The following TMEM132B variants were observed in gnomAD, a reference collection of about 807,000 sequenced individuals.
TMEM132B encodes transmembrane protein 132B.
In TMEM132B, 18 loss-of-function variants were observed where a neutral mutation model predicts 90.8. That is an observed-to-expected ratio of 0.20 (90% CI 0.14 to 0.29). The LOEUF is 0.29. Among genes scored for constraint, TMEM132B ranks in the 10% least tolerant of loss-of-function variants. The probability of loss-of-function intolerance (pLI) is 1.00; values close to 1 mark genes in which losing one functional copy is unlikely to be tolerated. For missense variants in TMEM132B, 1,096 were observed against 1,326.8 expected, an observed-to-expected ratio of 0.83 and a Z score of 2.70; for synonymous variants, 504 against 523.3, an observed-to-expected ratio of 0.96 and a Z score of 0.50.
chr12:125,335,979 T>A (rs939229738), intron 1 of TMEM132B, among the ~76,000 whole-genome samples: 1 of 152,052 alleles, frequency 6.6e-6, no homozygotes, highest in African/African-American at 2.4e-5. Context: ...AGAGCAAGAC[T>A]CCCCCTCAAA....
At chr12:125,438,113 A>G (rs1040314026) in intron 3 of TMEM132B, among the ~76,000 whole-genome samples, 1 of 152,208 alleles carries the variant, frequency 6.6e-6, no homozygotes, top group South Asian at 2.1e-4. Context: ...TTTCAAACTA[A>G]ACTCCTACAA....
At chr12:125,382,596 C>T (rs1005329882) in intron 2 of TMEM132B, among the ~76,000 whole-genome samples, 4 of 152,042 alleles carry the variant, frequency 2.6e-5, no homozygotes, top group African/African-American at 7.2e-5. Context: ...GAGATGTAAA[C>T]AAGAAACAGA....
At chr12:125,515,690 C>T (rs911587755) in intron 3 of TMEM132B, among the ~76,000 whole-genome samples, 1 of 151,622 alleles carries the variant, frequency 6.6e-6, no homozygotes, top group African/African-American at 2.4e-5. Context: ...CACACATTCC[C>T]TCCCACACTC....
In TMEM132B at chr12:125,654,142, C is replaced by T; in HGVS notation, c.2684C>T (p.Thr895Ile). ...DPNNPSDLTVTSRGLTDLEIG... is the reference protein window; with the variant it reads ...DPNNPSDLTVISRGLTDLEIG... ...AATAATCCTAGTGACCTCACAGTGA[C>T]CTCAAGGGGGCTAACGGACTTGGAG... The change falls in exon 9 of 9, where the codon ACC becomes ATC. Residue 895 changes from threonine to isoleucine, a missense_variant. By Grantham distance (89) the Thr-to-Ile change is moderately conservative. Coordinates refer to ENST00000682704, the MANE Select transcript of TMEM132B (RefSeq NM_001366854.1). This position sits in a 1 kb window ranked among gnomAD's most constrained non-coding sequence, Gnocchi z 5.8. 1 of 1,614,196 alleles carries T rather than the reference C, an allele frequency of 6.2e-7. No individual in the cohort carries two copies.
intron 3 of TMEM132B, among the ~76,000 whole-genome samples, chr12:125,421,499 C>A (rs1880166304): frequency 6.6e-6 from 1 of 152,132 alleles, no homozygotes; most frequent in African/African-American, 2.4e-5. Context: ...CAGGAAAGAC[C>A]CACCTCCATG....
intron 6 of TMEM132B, among the ~76,000 whole-genome samples, chr12:125,648,470 T>G (rs958965475): frequency 6.6e-6 from 1 of 152,090 alleles, no homozygotes; most frequent in Non-Finnish European, 1.5e-5. Context: ...TTTGATATTT[T>G]CCTATAGTTA....
intron 3 of TMEM132B, among the ~76,000 whole-genome samples, chr12:125,478,254 A>C (rs1237603384): frequency 6.6e-6 from 1 of 152,206 alleles, no homozygotes; most frequent in East Asian, 1.9e-4. Context: ...ACAAAGCAGG[A>C]TGGAGAATGA....
At chr12:125,384,131 GAAAT>G (rs1878761429) in intron 2 of TMEM132B, among the ~76,000 whole-genome samples, 1 of 152,106 alleles carries the variant, frequency 6.6e-6, no homozygotes, top group Non-Finnish European at 1.5e-5. Context: ...ATTTTTAGTA[GAAAT>G]GGGGTTTCAC....
chr12:125,432,489 A>G lies in TMEM132B; in HGVS notation c.1106+16812A>G, dbSNP rs865969090. On this transcript the variant is annotated intron_variant, in intron 3 of 8. Coordinates refer to ENST00000682704, the MANE Select transcript of TMEM132B (RefSeq NM_001366854.1). ...TATATATGTATGTGTATATATATGT[A>G]TGTGTATATATATGTGTGTGTGTAT... 1.2e-3 allele frequency among the ~76,000 whole-genome samples: 77 copies of G among 64,146 alleles called. 8 individuals carry two copies. Among genetic ancestry groups the G allele is most frequent in the African/African-American group, 6.7e-3 (57 of 8,470 alleles). 42.1% of individuals were successfully genotyped at this position (64,146 alleles called of 152,430 possible). A position where few individuals can be genotyped will look rare whatever the true frequency, so the allele number is the denominator to read the frequency against.
chr12:125,439,972 A>G (rs754135427), intron 3 of TMEM132B, among the ~76,000 whole-genome samples: 6 of 152,178 alleles, frequency 3.9e-5, no homozygotes, highest in Admixed American at 3.3e-4. Flanking sequence ...AATCACATTT[A>G]TTGATTTGTG....
chr12:125,590,564 C>T (rs1885292847), intron 5 of TMEM132B, among the ~76,000 whole-genome samples: 1 of 152,180 alleles, frequency 6.6e-6, no homozygotes. Context: ...AGACTTGGAC[C>T]TGATCCTATC....
rs1237213764 is a variant in TMEM132B, at chr12:125,658,667, G to T, written c.*3957G>T. 1 of 152,214 alleles carries T rather than the reference G, an allele frequency of 6.6e-6. No homozygotes were observed. The highest frequency in any genetic ancestry group is 1.5e-5 in the Non-Finnish European group (1 of 68,036). The allele number at this position is 152,214 out of a possible 1,614,324, so 9.4% of individuals were successfully genotyped here. A position where few individuals can be genotyped will look rare whatever the true frequency, so the allele number is the denominator to read the frequency against. On this transcript the variant is annotated 3_prime_UTR_variant, in exon 9 of 9. Transcript: ENST00000682704. ...TAAAATATGGATTGCAGATATTTTT[G>T]TATGTAATATAGGCAATATAATGAA...
intron 4 of TMEM132B, among the ~76,000 whole-genome samples, chr12:125,533,259 G>A (rs1256243281): frequency 6.6e-6 from 1 of 152,202 alleles, no homozygotes; most frequent in African/African-American, 2.4e-5. Flanking sequence ...CATAATACAT[G>A]TATGATAAAT....
rs1164650475 is a variant in TMEM132B at position 125,408,378 on chromosome 12, C to T, written c.960-7153C>T. 6.6e-6 allele frequency among the ~76,000 whole-genome samples: 1 copy of T among 152,158 alleles called. No homozygotes were observed. Among genetic ancestry groups the T allele is most frequent in the Admixed American group, 6.5e-5 (1 of 15,280 alleles). On this transcript the variant is annotated intron_variant, in intron 2 of 8. Transcript: ENST00000682704. This position sits in a 1 kb window ranked among gnomAD's most constrained non-coding sequence, Gnocchi z 5.9. ...GGGGCCTTTTGGGAGATTAGGTCAT[C>T]TCCCTAAAGGAATGGGATTAATGCC...
At position 125,260,914 on chromosome 12, in the gene TMEM132B, T is replaced by C. The variant is rs561379209; in HGVS notation, c.67+74048T>C. 3.8e-4 allele frequency among the ~76,000 whole-genome samples: 45 copies of C among 119,726 alleles called. 1 individual carries two copies. The highest frequency in any genetic ancestry group is 1.5e-3 in the African/African-American group (44 of 28,882). 78.5% of individuals were successfully genotyped at this position (119,726 alleles called of 152,430 possible). On this transcript the variant is annotated intron_variant, in intron 1 of 8. Coordinates refer to ENST00000682704, the MANE Select transcript of TMEM132B (RefSeq NM_001366854.1). ...CTGGGCGTCAGAGCGAGACCCTGTCTCTACAGATTGTGTGTGTGTGTGTGT... is the reference window on the plus strand; with the variant it reads ...CTGGGCGTCAGAGCGAGACCCTGTCCCTACAGATTGTGTGTGTGTGTGTGT...
intron 1 of TMEM132B, among the ~76,000 whole-genome samples, chr12:125,282,959 T>TC (rs1243503149): frequency 6.6e-6 from 1 of 152,048 alleles, no homozygotes; most frequent in East Asian, 1.9e-4. Context: ...TTGTTGGGAG[T>TC]CCAAGTGGTA....
At position 125,655,026 on chromosome 12, in the gene TMEM132B, G is replaced by T; in HGVS notation, c.*316G>T. The T allele has an allele frequency of 4.0e-6, 1 of 249,362 alleles. No homozygotes were observed. The highest frequency in any genetic ancestry group is 7.7e-6 in the Non-Finnish European group (1 of 129,938). The allele number at this position is 249,362 out of a possible 1,614,324, so 15.4% of individuals were successfully genotyped here. A position where few individuals can be genotyped will look rare whatever the true frequency, so the allele number is the denominator to read the frequency against. ...CATTGTTAGTCATCTCGTGACAAATGGCCATGTGGAATTAGAAAAGATTTG... is the reference window on the plus strand; with the variant it reads ...CATTGTTAGTCATCTCGTGACAAATTGCCATGTGGAATTAGAAAAGATTTG... On this transcript the variant is annotated 3_prime_UTR_variant, in exon 9 of 9. Transcript: ENST00000682704.
At chr12:125,245,737 CTG>C (rs1157140936) in intron 1 of TMEM132B, among the ~76,000 whole-genome samples, 1 of 152,188 alleles carries the variant, frequency 6.6e-6, no homozygotes, top group Non-Finnish European at 1.5e-5. Flanking sequence ...ATTGGTTCTT[CTG>C]CCAGGTGGGC....
chr12:125,445,772 A>C lies in TMEM132B; in HGVS notation c.1106+30095A>C, dbSNP rs12099690. Among the ~76,000 whole-genome samples, 9,669 of 152,146 alleles carry C rather than the reference A, an allele frequency of 0.064. 953 individuals carry two copies. Among genetic ancestry groups the C allele is most frequent in the African/African-American group, 0.21 (8,735 of 41,440 alleles). Reference sequence around the variant, plus strand: ...CCCTCTGCTTACCCCACCAGCCTGCACCGCGGAGAGTTGGCTCCTTTGACT... The same window carrying C: ...CCCTCTGCTTACCCCACCAGCCTGCCCCGCGGAGAGTTGGCTCCTTTGACT... On this transcript the variant is annotated intron_variant, in intron 3 of 8. Transcript: ENST00000682704. This position sits in a 1 kb window ranked among gnomAD's most constrained non-coding sequence, Gnocchi z 4.3.
Sources: allele counts gnomAD v4.1 joint callset (sites outside exome capture counted in the v4.1 genomes callset), GRCh38; gene constraint gnomAD v4.1.1; non-coding constraint Gnocchi (gnomAD v3.1); transcripts MANE v1.5; gene names NCBI Gene and HGNC (gene_info 2026-07-23, HGNC 2026-07-21).